GRIK4: variants seen among roughly 807,000 people sequenced by gnomAD.
GRIK4 encodes the protein glutamate ionotropic receptor kainate type subunit 4.
In GRIK4, 40 loss-of-function variants were observed where a neutral mutation model predicts 104.9. The observed-to-expected ratio is 0.38, with a 90% CI of 0.30 to 0.50. The LOEUF (loss-of-function observed/expected upper bound fraction) is 0.50, where lower values mean the gene tolerates loss of function less well. GRIK4 is among the 20% of genes least tolerant of loss of function. The probability of loss-of-function intolerance (pLI) is 0.93; values close to 1 mark genes in which losing one functional copy is unlikely to be tolerated. For synonymous variants in GRIK4, 485 were observed against 524.9 expected (o/e 0.92, Z 1.04); for missense variants, 1,047 against 1,308.1 (o/e 0.80, Z 3.08).
At chr11:120,965,198 T>C (rs1944362506) in intron 18 of GRIK4, among the ~76,000 whole-genome samples, 1 of 152,192 alleles carries the variant, frequency 6.6e-6, no homozygotes, top group South Asian at 2.1e-4. Context: ...ATTAATCAGG[T>C]GGCTTAGGAA....
chr11:120,668,427 A>C (rs1025663978), intron 3 of GRIK4, among the ~76,000 whole-genome samples: 1 of 152,188 alleles, frequency 6.6e-6, no homozygotes, highest in Admixed American at 6.5e-5. Context: ...GAAAGAAAAG[A>C]AATGAAAAGA....
At chr11:120,984,465 ATAG>A (rs1247009985) in intron 20 of GRIK4, among the ~76,000 whole-genome samples, 1 of 152,180 alleles carries the variant, frequency 6.6e-6, no homozygotes, top group Non-Finnish European at 1.5e-5. Context: ...AATAATAGTA[ATAG>A]TAGTAATACA....
chr11:120,898,417 T>G, intron 11 of GRIK4, 115 bp from the exon 12 acceptor site: 1 of 671,660 alleles, frequency 1.5e-6, no homozygotes, highest in South Asian at 1.7e-5. Flanking sequence ...GGCTCCGTAC[T>G]CCACACCCCT....
chr11:120,572,424 G>A (rs1043607477), intron 1 of GRIK4, among the ~76,000 whole-genome samples: 2 of 152,174 alleles, frequency 1.3e-5, no homozygotes, highest in African/African-American at 4.8e-5. Context: ...AGATCAGGTG[G>A]GAACTCACCT....
intron 16 of GRIK4, among the ~76,000 whole-genome samples, chr11:120,957,625 G>GTGTGTGTGTGTGTGTGTGTGTGTA (rs375508071): frequency 0.014 from 2,045 of 144,438 alleles, 45 homozygotes; most frequent in East Asian, 0.051. Context: ...GTGTGTGTGT[G>GTGTGTGTGTGTGTGTGTGTGTGTA]TAGCCTAGAG....
Position 120,929,842 on chromosome 11 carries a change from G to GTCC in GRIK4, c.1477-10503_1477-10501dup, listed in dbSNP as rs1555096650. On this transcript the variant is annotated intron_variant, in intron 13 of 20. Transcript: ENST00000527524. ...TCTAGTGGGGAACCTACGGCTTCAA[G>GTCC]TCCTTAGGTTGGAGGATGTCTGATC... Among the ~76,000 whole-genome samples the GTCC allele has an allele frequency of 4.5e-3, 682 of 151,842 alleles. 5 individuals carry two copies. The highest frequency in any genetic ancestry group is 0.015 in the African/African-American group (640 of 41,378).
chr11:120,882,985 T>G (rs1386416328), intron 11 of GRIK4, among the ~76,000 whole-genome samples: 2 of 152,194 alleles, frequency 1.3e-5, no homozygotes, highest in African/African-American at 4.8e-5. Flanking sequence ...CTCAGCTCAG[T>G]GAGGCTTCCC....
At chr11:120,602,455 C>T (rs1022037428) in intron 1 of GRIK4, among the ~76,000 whole-genome samples, 1 of 152,096 alleles carries the variant, frequency 6.6e-6, no homozygotes, top group African/African-American at 2.4e-5. Context: ...AAGGAATTGG[C>T]CTGGCAGCTT....
At chr11:120,830,350 T>C (rs1393513592) in intron 6 of GRIK4, among the ~76,000 whole-genome samples, 1 of 152,060 alleles carries the variant, frequency 6.6e-6, no homozygotes, top group African/African-American at 2.4e-5. Flanking sequence ...TGGATAGAAA[T>C]CAGAAAACTG....
At position 120,524,980 on chromosome 11, in the gene GRIK4, C is replaced by T. The variant is rs917648421; in HGVS notation, c.-159+13093C>T. Among the ~76,000 whole-genome samples the T allele has an allele frequency of 7.2e-5, 11 of 152,136 alleles. No individual in the cohort carries two copies. Among genetic ancestry groups the T allele is most frequent in the Admixed American group, 7.2e-4 (11 of 15,280 alleles). Reference sequence around the variant, plus strand: ...CTTCTGGAGCCCATCAGGGGCTGCACCATGAATGCCCAGTGACTCTGGACC... The same window carrying T: ...CTTCTGGAGCCCATCAGGGGCTGCATCATGAATGCCCAGTGACTCTGGACC... On this transcript the variant is annotated intron_variant, in intron 1 of 20. Coordinates refer to ENST00000527524, the MANE Select transcript of GRIK4 (RefSeq NM_014619.5). This position sits in a 1 kb window ranked among gnomAD's most constrained non-coding sequence, Gnocchi z 4.5.
intron 18 of GRIK4, among the ~76,000 whole-genome samples, chr11:120,966,662 G>A (rs193056784): frequency 2.3e-3 from 356 of 152,258 alleles, no homozygotes; most frequent in African/African-American, 7.7e-3. Context: ...GTGAGCCACC[G>A]TGCCTGGCTG....
At chr11:120,746,913 G>A (rs147326147) in intron 3 of GRIK4, among the ~76,000 whole-genome samples, 34 of 152,314 alleles carry the variant, frequency 2.2e-4, no homozygotes, top group African/African-American at 8.2e-4. Context: ...TGAAGACTAT[G>A]GAGTTGGAAT....
At chr11:120,597,615 C>T (rs557193165) in intron 1 of GRIK4, among the ~76,000 whole-genome samples, 22 of 152,336 alleles carry the variant, frequency 1.4e-4, no homozygotes, top group East Asian at 5.8e-4. Context: ...CTCAGCCGTG[C>T]GCTTTGCCAG....
At chr11:120,957,731 TC>T (rs1944194601) in intron 16 of GRIK4, among the ~76,000 whole-genome samples, 1 of 152,018 alleles carries the variant, frequency 6.6e-6, no homozygotes, top group Non-Finnish European at 1.5e-5. Flanking sequence ...CTTGGTTCTC[TC>T]CCTTCCTTCT....
At chr11:120,729,170 C>T (rs985296046) in intron 3 of GRIK4, among the ~76,000 whole-genome samples, 4 of 152,184 alleles carry the variant, frequency 2.6e-5, no homozygotes, top group Non-Finnish European at 5.9e-5. Context: ...TGTTGACGGA[C>T]ACTTAAGTTG....
intron 1 of GRIK4, among the ~76,000 whole-genome samples, chr11:120,529,842 G>A (rs57564610): frequency 0.031 from 4,725 of 152,292 alleles, 241 homozygotes; most frequent in African/African-American, 0.11. Context: ...AATCTCTCCA[G>A]CAACCCTGGG....
chr11:120,967,373 C>G lies in GRIK4; in HGVS notation c.2395+50C>G, dbSNP rs1312068885. The G allele has an allele frequency of 1.9e-6, 3 of 1,556,850 alleles. No individual in the cohort carries two copies. The highest frequency in any genetic ancestry group is 8.7e-7 in the Non-Finnish European group (1 of 1,149,558). Reference sequence around the variant, plus strand: ...CTCCTGCCCTAGAGGACCAAAGTAGCTTGTTTCTCGTGTTCAAATTCCAGG... The same window carrying G: ...CTCCTGCCCTAGAGGACCAAAGTAGGTTGTTTCTCGTGTTCAAATTCCAGG... On this transcript the variant is annotated intron_variant, in intron 19 of 20. Coordinates refer to ENST00000527524, the MANE Select transcript of GRIK4 (RefSeq NM_014619.5). The surrounding 1 kb of genome is among the most constrained non-coding windows in gnomAD (Gnocchi z 4.2).
chr11:120,701,743 G>T (rs745655702), intron 3 of GRIK4, among the ~76,000 whole-genome samples: 19 of 152,144 alleles, frequency 1.2e-4, no homozygotes, highest in Admixed American at 3.3e-4. Context: ...TTGCTGCATT[G>T]AGAATAGGCT....
chr11:120,927,229 T>A (rs571033628), intron 13 of GRIK4, among the ~76,000 whole-genome samples: 102 of 152,230 alleles, frequency 6.7e-4, no homozygotes, highest in Non-Finnish European at 1.3e-3. Context: ...TAGGTCCACA[T>A]ACACCCATGG....
Sources: gnomAD v4.1 joint callset for allele counts (sites outside exome capture counted in the v4.1 genomes callset) on GRCh38, gnomAD v4.1.1 for gene constraint, Gnocchi (gnomAD v3.1) non-coding constraint, MANE v1.5 for transcripts, NCBI Gene and HGNC (gene_info 2026-07-23, HGNC 2026-07-21) for gene names.